Variants in FABP7 observed in about 807,000 individuals in gnomAD.
The protein encoded by FABP7 is fatty acid binding protein 7.
In FABP7, 13 loss-of-function variants were observed where a neutral mutation model predicts 14.2. The observed-to-expected ratio is 0.91, with a 90% CI of 0.59 to 1.45. The LOEUF (loss-of-function observed/expected upper bound fraction) is 1.45, where lower values mean the gene tolerates loss of function less well. FABP7 is among the 40% of genes most tolerant of loss of function. The probability of loss-of-function intolerance (pLI) is 0.00; values close to 1 mark genes in which losing one functional copy is unlikely to be tolerated. For missense variants in FABP7, 149 were observed against 157.6 expected, an observed-to-expected ratio of 0.95 and a Z score of 0.29; for synonymous variants, 49 against 51.4, an observed-to-expected ratio of 0.95 and a Z score of 0.20.
At chr6:122,753,780 T>TCCCACC in the FABP7 span, among the ~76,000 whole-genome samples, 4 of 45,018 alleles carry the variant, frequency 8.9e-5, no homozygotes, top group Non-Finnish European at 9.3e-5. Context: ...TGGGTCCAAA[T>TCCCACC]CCCGCCCCCC....
At chr6:122,756,183 A>T in the FABP7 span, among the ~76,000 whole-genome samples, 1 of 152,060 alleles carries the variant, frequency 6.6e-6, no homozygotes, top group Non-Finnish European at 1.5e-5. Flanking sequence ...ATTCTTTTGT[A>T]CCTACTTCTC....
chr6:122,760,097 A>G, the FABP7 span, among the ~76,000 whole-genome samples: 1 of 143,162 alleles, frequency 7.0e-6, no homozygotes, highest in Admixed American at 6.9e-5. Flanking sequence ...CGAGACTCTG[A>G]TTCAAAAAAA....
the FABP7 span, among the ~76,000 whole-genome samples, chr6:122,758,567 CA>C: frequency 4.9e-4 from 74 of 151,752 alleles, 1 homozygote; most frequent in South Asian, 0.01. Context: ...ATAGTTTTAA[CA>C]AAAAAAATCG....
the FABP7 span, among the ~76,000 whole-genome samples, chr6:122,751,185 C>G: frequency 6.6e-6 from 1 of 152,134 alleles, no homozygotes; most frequent in African/African-American, 2.4e-5. Context: ...AATTTTTATT[C>G]TTAACCTCTG....
At chr6:122,781,654 C>A (rs1582520432) in intron 3 of FABP7, 1 of 1,034,596 alleles carries the variant, frequency 9.7e-7, no homozygotes. Context: ...TAAAGTTACA[C>A]AAGTTCTGGG....
intron 2 of FABP7, 79 bp downstream of exon 2, chr6:122,780,542 A>G (rs1211156919): frequency 1.4e-6 from 2 of 1,401,846 alleles, no homozygotes; most frequent in Admixed American, 4.3e-5. Flanking sequence ...TGTTTTTTTT[A>G]AGATGTTGGA....
At chr6:122,780,024 A>G (rs1780744059) in intron 1 of FABP7, among the ~76,000 whole-genome samples, 157 bp downstream of exon 1, 1 of 152,196 alleles carries the variant, frequency 6.6e-6, no homozygotes, top group African/African-American at 2.4e-5. Context: ...TGGATTTTTA[A>G]TGTGGCACTT....
the FABP7 span, among the ~76,000 whole-genome samples, chr6:122,752,743 G>A: frequency 6.6e-6 from 1 of 152,186 alleles, no homozygotes; most frequent in Non-Finnish European, 1.5e-5. Flanking sequence ...AGTAAGCCTT[G>A]TGGCTCTATT....
chr6:122,783,216 A>G (rs2115148234), intron 3 of FABP7: 11 of 985,358 alleles, frequency 1.1e-5, no homozygotes, highest in Non-Finnish European at 1.3e-5. Context: ...AGGCTAAACC[A>G]TGACAACCAA....
chr6:122,758,693 T>A, the FABP7 span, among the ~76,000 whole-genome samples: 1 of 152,214 alleles, frequency 6.6e-6, no homozygotes, highest in Non-Finnish European at 1.5e-5. Flanking sequence ...CCAACAGTAT[T>A]ATGAAGCCAT....
the FABP7 span, among the ~76,000 whole-genome samples, chr6:122,765,716 T>C: frequency 1.3e-5 from 2 of 152,020 alleles, no homozygotes; most frequent in African/African-American, 4.8e-5. Context: ...TTTTTAATTT[T>C]AGCCTCCCCA....
chr6:122,762,192 A>G, the FABP7 span, among the ~76,000 whole-genome samples: 1 of 152,204 alleles, frequency 6.6e-6, no homozygotes, highest in Non-Finnish European at 1.5e-5. Flanking sequence ...CGTATCCACC[A>G]TGATCAAGTG....
chr6:122,780,190 T>TA, intron 1 of FABP7, 101 bp from the exon 2 acceptor site: 1 of 1,246,106 alleles, frequency 8.0e-7, no homozygotes, highest in South Asian at 1.3e-5. Flanking sequence ...TAATGAAACT[T>TA]ACACTTTAGA....
At chr6:122,754,508 C>T in the FABP7 span, among the ~76,000 whole-genome samples, 11 of 152,158 alleles carry the variant, frequency 7.2e-5, no homozygotes, top group African/African-American at 2.2e-4. Context: ...TCATTTGCCC[C>T]AAGACCTTCA....
At chr6:122,782,264 C>G in intron 3 of FABP7, 1 of 877,962 alleles carries the variant, frequency 1.1e-6, no homozygotes, top group Non-Finnish European at 1.4e-6. Context: ...TGGCTTAAAA[C>G]AACAGAAATG....
chr6:122,777,231 T>C (rs1441340440), upstream of FABP7, among the ~76,000 whole-genome samples: 1 of 152,156 alleles, frequency 6.6e-6, no homozygotes, highest in Non-Finnish European at 1.5e-5. Flanking sequence ...TTTTATTAGA[T>C]GAAACATATA....
chr6:122,754,520 G>A, the FABP7 span, among the ~76,000 whole-genome samples: 1 of 151,982 alleles, frequency 6.6e-6, no homozygotes, highest in African/African-American at 2.4e-5. Context: ...AGACCTTCAA[G>A]ATCTCAACTT....
chr6:122,751,590 C>T, the FABP7 span, among the ~76,000 whole-genome samples: 1 of 152,146 alleles, frequency 6.6e-6, no homozygotes, highest in African/African-American at 2.4e-5. Flanking sequence ...ACATTCAGCT[C>T]GGAAATTCTG....
chr6:122,751,225 T>C, the FABP7 span, among the ~76,000 whole-genome samples: 1 of 152,228 alleles, frequency 6.6e-6, no homozygotes, highest in Non-Finnish European at 1.5e-5. Context: ...ATAAAGTGAG[T>C]ACTATAGTGG....
Sources: allele counts gnomAD v4.1 joint callset (sites outside exome capture counted in the v4.1 genomes callset), GRCh38; gene constraint gnomAD v4.1.1; transcripts MANE v1.5; gene names NCBI Gene and HGNC (gene_info 2026-07-23, HGNC 2026-07-21).